Variants in CACNA1D observed in about 807,000 individuals in gnomAD.
The protein encoded by CACNA1D is calcium voltage-gated channel subunit alpha1 D.
Under a neutral mutation model 257.1 loss-of-function variants are expected in CACNA1D, and 55 were observed. That is an observed-to-expected ratio of 0.21 (90% CI 0.17 to 0.27). The LOEUF (loss-of-function observed/expected upper bound fraction) is 0.27. Among genes scored for constraint, CACNA1D ranks in the 10% least tolerant of loss-of-function variants. The probability of loss-of-function intolerance (pLI) is 1.00; values close to 1 mark genes in which losing one functional copy is unlikely to be tolerated. For synonymous variants in CACNA1D, 980 were observed against 1,014.9 expected, an observed-to-expected ratio of 0.97 and a Z score of 0.65; for missense variants, 1,876 against 2,784.0, an observed-to-expected ratio of 0.67 and a Z score of 7.34.
chr3:53,721,868 A>G (rs2094886394), intron 11 of CACNA1D, among the ~76,000 whole-genome samples: 1 of 152,036 alleles, frequency 6.6e-6, no homozygotes, highest in South Asian at 2.1e-4. Context: ...ATGGTGATTG[A>G]GATGCTGCAA....
At chr3:53,599,727 C>T (rs1362307053) in intron 3 of CACNA1D, among the ~76,000 whole-genome samples, 1 of 152,206 alleles carries the variant, frequency 6.6e-6, no homozygotes, top group Non-Finnish European at 1.5e-5. Flanking sequence ...GGAATTCTTA[C>T]TAATTTGTAC....
intron 7 of CACNA1D, among the ~76,000 whole-genome samples, chr3:53,668,796 T>C (rs779539309): frequency 1.3e-5 from 2 of 152,178 alleles, no homozygotes; most frequent in Non-Finnish European, 2.9e-5. Context: ...CATAAGCAAA[T>C]GGATGTGGCT....
intron 3 of CACNA1D, among the ~76,000 whole-genome samples, chr3:53,619,527 A>T (rs761964628): frequency 1.3e-5 from 2 of 152,200 alleles, no homozygotes; most frequent in Non-Finnish European, 2.9e-5. Flanking sequence ...CAGTGCTGGG[A>T]GATGGCTAAG....
In CACNA1D at chr3:53,586,319, T is replaced by TGC. The variant is rs1553738935; in HGVS notation, c.484-64459_484-64458dup. Among the ~76,000 whole-genome samples the TGC allele has an allele frequency of 1.1e-3, 170 of 150,018 alleles. 1 individual carries two copies. Among genetic ancestry groups the TGC allele is most frequent in the South Asian group, 3.1e-3 (15 of 4,782 alleles). On this transcript the variant is annotated intron_variant, in intron 3 of 47. Coordinates refer to ENST00000350061, the MANE Select transcript of CACNA1D (RefSeq NM_001128840.3). Reference sequence around the variant, plus strand: ...GTGTGTGTGTGTGTGTGTGTGTGTGTGCATTCCTCCTTGGAAGATGAGAGC... The same window carrying TGC: ...GTGTGTGTGTGTGTGTGTGTGTGTGTGCGCATTCCTCCTTGGAAGATGAGAGC...
chr3:53,797,521 A>G (rs963180664), intron 40 of CACNA1D, among the ~76,000 whole-genome samples: 1 of 152,132 alleles, frequency 6.6e-6, no homozygotes, highest in Non-Finnish European at 1.5e-5. Context: ...TGTTGTCATT[A>G]TTTGTCTTTG....
At chr3:53,572,390 A>ATTTATTTG (rs2092962954) in intron 3 of CACNA1D, among the ~76,000 whole-genome samples, 23 of 150,062 alleles carry the variant, frequency 1.5e-4, no homozygotes, top group Non-Finnish European at 1.9e-4. Flanking sequence ...TTATTTATTT[A>ATTTATTTG]TTTATTTATT....
intron 3 of CACNA1D, among the ~76,000 whole-genome samples, chr3:53,638,167 G>A (rs552120173): frequency 4.6e-5 from 7 of 152,330 alleles, no homozygotes; most frequent in Admixed American, 3.9e-4. Context: ...AATGAATGGA[G>A]TTGGGGTAAG....
chr3:53,496,007 G>C (rs761860865), intron 1 of CACNA1D, among the ~76,000 whole-genome samples: 2 of 152,232 alleles, frequency 1.3e-5, no homozygotes, highest in Non-Finnish European at 2.9e-5. Flanking sequence ...AGCCTTTCCG[G>C]GTGAGCGCTC....
intron 3 of CACNA1D, among the ~76,000 whole-genome samples, chr3:53,580,363 C>T (rs139590876): frequency 3.3e-4 from 50 of 152,310 alleles, no homozygotes; most frequent in African/African-American, 9.9e-4. Context: ...CAGTGCTCGC[C>T]GCCAGGTAGT....
chr3:53,795,300 A>C (rs942385579), intron 40 of CACNA1D, among the ~76,000 whole-genome samples: 4 of 152,236 alleles, frequency 2.6e-5, no homozygotes, highest in Non-Finnish European at 4.4e-5. Context: ...TAGTCAAAAG[A>C]GGGTTAGCCT....
At chr3:53,522,829 A>G (rs2091629771) in intron 3 of CACNA1D, among the ~76,000 whole-genome samples, 1 of 152,194 alleles carries the variant, frequency 6.6e-6, no homozygotes, top group Non-Finnish European at 1.5e-5. Context: ...ATTAACTATT[A>G]GTCACCCTAC....
chr3:53,809,634 T>C, intron 46 of CACNA1D: 1 of 372,306 alleles, frequency 2.7e-6, no homozygotes, highest in South Asian at 2.6e-5. Context: ...TACTTCGGTA[T>C]TTAAACCCAG....
intron 3 of CACNA1D, among the ~76,000 whole-genome samples, chr3:53,604,286 C>A (rs570182583): frequency 6.6e-6 from 1 of 152,192 alleles, no homozygotes; most frequent in Non-Finnish European, 1.5e-5. Flanking sequence ...TGGATGGAAG[C>A]TGCAGATGGA....
At chr3:53,519,192 T>A (rs942546377) in intron 3 of CACNA1D, among the ~76,000 whole-genome samples, 20 of 152,272 alleles carry the variant, frequency 1.3e-4, no homozygotes, top group African/African-American at 4.6e-4. Context: ...GGTTTGAGGG[T>A]CCTTGGGAAC....
intron 32 of CACNA1D, 93 bp downstream of exon 32, chr3:53,770,645 GTGTGGCCACTC>G: frequency 8.3e-7 from 1 of 1,198,114 alleles, no homozygotes. Context: ...GGCTCCCCCT[GTGTGGCCACTC>G]TGTGGACCTA....
chr3:53,735,712 C>T (rs900671797), intron 20 of CACNA1D, among the ~76,000 whole-genome samples: 3 of 152,224 alleles, frequency 2.0e-5, no homozygotes, highest in African/African-American at 7.2e-5. Context: ...TAACTTAGAA[C>T]TTCATCTTAA....
At chr3:53,706,599 C>T (rs1310421847) in intron 9 of CACNA1D, among the ~76,000 whole-genome samples, 1 of 152,094 alleles carries the variant, frequency 6.6e-6, no homozygotes, top group Non-Finnish European at 1.5e-5. Flanking sequence ...CATCAGACAC[C>T]AGTAAAAGTT....
chr3:53,734,365 A>C (rs916099913), intron 19 of CACNA1D, among the ~76,000 whole-genome samples: 1 of 151,960 alleles, frequency 6.6e-6, no homozygotes, highest in African/African-American at 2.4e-5. Flanking sequence ...ATATACATAC[A>C]TATTTTAGAT....
chr3:53,591,726 C>T (rs2093308748), intron 3 of CACNA1D, among the ~76,000 whole-genome samples: 1 of 152,236 alleles, frequency 6.6e-6, no homozygotes, highest in Non-Finnish European at 1.5e-5. Context: ...AATGTTTCCT[C>T]TCCCAGGAAC....
Sources: allele counts gnomAD v4.1 joint callset (sites outside exome capture counted in the v4.1 genomes callset), GRCh38; gene constraint gnomAD v4.1.1; transcripts MANE v1.5; gene names NCBI Gene and HGNC (gene_info 2026-07-23, HGNC 2026-07-21).